The following VPS9D1 variants were observed in gnomAD, a reference collection of about 807,000 sequenced individuals.
VPS9D1 encodes the protein VPS9 domain-containing protein 1.
Under a neutral mutation model 75.8 loss-of-function variants are expected in VPS9D1, and 78 were observed. The observed-to-expected ratio is 1.03, with a 90% CI of 0.86 to 1.24. VPS9D1 has a LOEUF of 1.24. Among genes scored for constraint, VPS9D1 ranks in the 50% most tolerant of loss-of-function variants. The pLI, the probability that VPS9D1 is intolerant of heterozygous loss-of-function variation, is 0.00. For missense variants in VPS9D1, 1,057 were observed against 847.7 expected, an observed-to-expected ratio of 1.25 and a Z score of -3.07; for synonymous variants, 481 against 385.6, an observed-to-expected ratio of 1.25 and a Z score of -2.90.
At position 89,712,596 on chromosome 16, in the gene VPS9D1, C is replaced by T. The variant is rs756097939; in HGVS notation, c.543+9G>A. The T allele has an allele frequency of 1.2e-6, 2 of 1,609,390 alleles. No individual in the cohort carries two copies. The highest frequency in any genetic ancestry group is 1.7e-6 in the Non-Finnish European group (2 of 1,178,428). On this transcript the variant is annotated intron_variant, in intron 5 of 14. Coordinates refer to ENST00000389386, the MANE Select transcript of VPS9D1 (RefSeq NM_004913.3). Reference sequence around the variant, plus strand: ...ACGCACCCCCAGGCCCTCCCTAGCCCCCACTCACCAGGGATGTCTTCTGCA... The same window carrying T: ...ACGCACCCCCAGGCCCTCCCTAGCCTCCACTCACCAGGGATGTCTTCTGCA...
chr16:89,716,922 C>T (rs2061083686), intron 2 of VPS9D1, 100 bp from the exon 3 acceptor site: 3 of 1,139,702 alleles, frequency 2.6e-6, no homozygotes, highest in African/African-American at 3.2e-5. Flanking sequence ...AGCCCACTGC[C>T]CCCCTCAGCA....
chr16:89,711,518 G>A (rs2060920323), intron 8 of VPS9D1, 106 bp from the exon 9 acceptor site: 1 of 1,142,958 alleles, frequency 8.7e-7, no homozygotes, highest in Non-Finnish European at 1.2e-6. Context: ...AGCCCGTCCT[G>A]GGGTGCAGGA....
Position 89,711,023 on chromosome 16 carries a change from A to C in VPS9D1, c.834-13T>G. 1 of 1,436,208 alleles carries C rather than the reference A, an allele frequency of 7.0e-7. No individual in the cohort carries two copies. Among genetic ancestry groups the C allele is most frequent in the Non-Finnish European group, 9.1e-7 (1 of 1,100,144 alleles). 89.0% of individuals were successfully genotyped at this position (1,436,208 alleles called of 1,614,324 possible). A position where few individuals can be genotyped will look rare whatever the true frequency, so the allele number is the denominator to read the frequency against. ...GTGGTCGGGGAGGCTGCGGGAGAAG[A>C]GGACGTGAGAACGCGGCCAGCCTCG... On this transcript the variant is annotated splice_polypyrimidine_tract_variant and intron_variant, in intron 9 of 14. Transcript: ENST00000389386.
chr16:89,711,263 G>A (rs2151624871), intron 9 of VPS9D1, 64 bp downstream of exon 9: 1 of 1,509,012 alleles, frequency 6.6e-7, no homozygotes, highest in Non-Finnish European at 9.0e-7. Flanking sequence ...CCGGCACCTG[G>A]CACCAGGCAG....
intron 4 of VPS9D1, among the ~76,000 whole-genome samples, chr16:89,713,563 G>GT (rs779521842): frequency 2.4e-4 from 36 of 152,000 alleles, no homozygotes; most frequent in Non-Finnish European, 4.9e-4. Context: ...CGGACTTTTG[G>GT]TTTTTCAAGA....
chr16:89,713,012 CTG>C, intron 4 of VPS9D1: 1 of 219,350 alleles, frequency 4.6e-6, no homozygotes, highest in African/African-American at 2.3e-5. Context: ...TGGTGAAACT[CTG>C]TCTCTACTAA....
rs1329236059 is a variant in VPS9D1 at position 89,718,124 on chromosome 16, C to T, written c.175+903G>A. 3 of 449,240 alleles carry T rather than the reference C, an allele frequency of 6.7e-6. No individual in the cohort carries two copies. The Admixed American group carries it at 7.2e-5, about 11-fold the overall frequency. The allele number at this position is 449,240 out of a possible 1,614,324, so 27.8% of individuals were successfully genotyped here. A position where few individuals can be genotyped will look rare whatever the true frequency, so the allele number is the denominator to read the frequency against. ...ACCTCTGTGATCCTTTGTGCAGCGGCTGCTGGCCTCTCAAACTTAATGTGT... is the reference window on the plus strand; with the variant it reads ...ACCTCTGTGATCCTTTGTGCAGCGGTTGCTGGCCTCTCAAACTTAATGTGT... On this transcript the variant is annotated intron_variant, in intron 2 of 14. Transcript: ENST00000389386.
chr16:89,719,276 T>A (rs1446413535), intron 1 of VPS9D1, 174 bp from the exon 2 acceptor site: 1 of 679,240 alleles, frequency 1.5e-6, no homozygotes, highest in Non-Finnish European at 2.7e-6. Context: ...CACGGTTTTC[T>A]GCGCAGGGCA....
At chr16:89,711,538 C>T in intron 8 of VPS9D1, 126 bp from the exon 9 acceptor site, 1 of 943,966 alleles carries the variant, frequency 1.1e-6, no homozygotes, top group Non-Finnish European at 1.6e-6. Context: ...AGACCCAGCG[C>T]CAGCAGGCCC....
At position 89,710,479 on chromosome 16, in the gene VPS9D1, A is replaced by C. The variant is rs991402586; in HGVS notation, c.1258+107T>G. ...CGTGAGCTGGGTGGATGTAAGTCTG[A>C]TCAGAGTCTCTGATCAACAGACCCT... On this transcript the variant is annotated intron_variant, in intron 10 of 14. Coordinates refer to ENST00000389386, the MANE Select transcript of VPS9D1 (RefSeq NM_004913.3). The C allele has an allele frequency of 2.2e-5, 28 of 1,271,264 alleles. 1 individual carries two copies. The highest frequency in any genetic ancestry group is 3.0e-5 in the Non-Finnish European group (28 of 936,706). The allele number at this position is 1,271,264 out of a possible 1,614,324, so 78.7% of individuals were successfully genotyped here.
At chr16:89,719,597 A>G (rs1402779919) in intron 1 of VPS9D1, among the ~76,000 whole-genome samples, 1 of 152,186 alleles carries the variant, frequency 6.6e-6, no homozygotes, top group African/African-American at 2.4e-5. Context: ...AGTTCCGAGA[A>G]ATCCCTTTCC....
In VPS9D1 at chr16:89,716,486, C is replaced by T. The variant is rs2061072320; in HGVS notation, c.407G>A (p.Gly136Glu). The T allele has an allele frequency of 1.2e-6, 2 of 1,614,048 alleles. No individual in the cohort carries two copies. Among genetic ancestry groups the T allele is most frequent in the Non-Finnish European group, 8.5e-7 (1 of 1,180,000 alleles). Reference protein sequence around the residue: ...LPPEIFQKLQGAESQSCKKEL... With the variant: ...LPPEIFQKLQEAESQSCKKEL... ...CTTCTTACAGCTTTGTGACTCTGCC[C>T]CCTGAAGCTTCTGGAAGATCTCGGG... Residue 136 changes from glycine (G) to glutamate (E), a missense_variant, in exon 4 of 15, where the codon GGG becomes GAG. By Grantham distance (98) the Gly-to-Glu change is moderately conservative. Coordinates refer to ENST00000389386, the MANE Select transcript of VPS9D1 (RefSeq NM_004913.3).
Position 89,710,811 on chromosome 16 carries a change from G to A in VPS9D1, c.1033C>T (p.Arg345Trp). Residue 345 changes from arginine (R) to tryptophan (W), a missense_variant, in exon 10 of 15, where the codon CGG (arginine) becomes TGG (tryptophan). By Grantham distance (101) the Arg-to-Trp change is moderately radical (BLOSUM62 -3). Transcript: ENST00000389386. ...GGCGTGGGGGGACTGTCCTGGGGCC[G>A]CGGGGCTGCGCTGGGCTCGGGCGGG... ...LSPPEPSAAP[R>W]PQDSPPTPPL... The A allele has an allele frequency of 6.5e-7, 1 of 1,539,342 alleles. No homozygotes were observed. Among genetic ancestry groups the A allele is most frequent in the Non-Finnish European group, 8.8e-7 (1 of 1,139,088 alleles).
At chr16:89,718,414 C>T (rs2061142711) in intron 2 of VPS9D1, among the ~76,000 whole-genome samples, 2 of 152,212 alleles carry the variant, frequency 1.3e-5, no homozygotes, top group African/African-American at 2.4e-5. Context: ...CAGCCCCACC[C>T]CGCCCACTCC....
At chr16:89,720,363 G>C (rs999920013) in intron 1 of VPS9D1, 1 of 955,984 alleles carries the variant, frequency 1.0e-6, no homozygotes, top group Non-Finnish European at 1.2e-6. Context: ...CAGGTATGTG[G>C]CCTTCTCTGC....
At chr16:89,717,500 C>T (rs899648527) in intron 2 of VPS9D1, 14 of 452,542 alleles carry the variant, frequency 3.1e-5, no homozygotes, top group South Asian at 7.8e-5. Context: ...CCCTTCTGCG[C>T]GCCGTGGGAG....
At chr16:89,711,720 C>A in intron 8 of VPS9D1, 162 bp downstream of exon 8, 1 of 911,604 alleles carries the variant, frequency 1.1e-6, no homozygotes. Flanking sequence ...GCAGCCCTGG[C>A]CCCGCCCCCT....
chr16:89,716,991 G>T, intron 2 of VPS9D1, 169 bp from the exon 3 acceptor site: 1 of 431,906 alleles, frequency 2.3e-6, no homozygotes, highest in Non-Finnish European at 3.6e-6. Context: ...CCCTGGGCAA[G>T]CCCACTGCCC....
intron 10 of VPS9D1, 52 bp from the exon 11 acceptor site, chr16:89,709,958 C>A: frequency 3.9e-6 from 6 of 1,546,974 alleles, no homozygotes; most frequent in Non-Finnish European, 5.2e-6. Context: ...CCTGCTGGGT[C>A]AAGTGGCTCT....
Sources: allele counts gnomAD v4.1 joint callset (sites outside exome capture counted in the v4.1 genomes callset), GRCh38; gene constraint gnomAD v4.1.1; transcripts MANE v1.5; gene names NCBI Gene and HGNC (gene_info 2026-07-23, HGNC 2026-07-21).